Variants in MYO16 observed in about 807,000 individuals in gnomAD.
MYO16 encodes unconventional myosin-XVI.
A neutral mutation model predicts 205.3 loss-of-function variants in MYO16; 94 were observed. The observed-to-expected ratio is 0.46, with a 90% confidence interval of 0.39 to 0.54. The LOEUF is 0.54. MYO16 is among the 20% of genes least tolerant of loss of function. The pLI is 0.00. For synonymous variants in MYO16, 988 were observed against 954.0 expected, an observed-to-expected ratio of 1.04 and a Z score of -0.66; for missense variants, 2,315 against 2,387.5, an observed-to-expected ratio of 0.97 and a Z score of 0.63.
the MYO16 span, among the ~76,000 whole-genome samples, chr13:108,556,636 A>C: frequency 7.9e-5 from 12 of 151,906 alleles, no homozygotes; most frequent in Non-Finnish European, 1.5e-5. Context: ...TTTTAATTTG[A>C]CACAATCCCA....
chr13:108,586,607 A>T, the MYO16 span, among the ~76,000 whole-genome samples: 2 of 152,232 alleles, frequency 1.3e-5, no homozygotes, highest in African/African-American at 4.8e-5. Context: ...GTATTTGTCC[A>T]TTCAAGGTAA....
chr13:109,129,579 C>T (rs948587924), intron 31 of MYO16, among the ~76,000 whole-genome samples: 2 of 152,004 alleles, frequency 1.3e-5, no homozygotes, highest in Non-Finnish European at 2.9e-5. Flanking sequence ...GTTAGATTTG[C>T]GGCCCATATC....
chr13:108,677,197 G>T (rs1049127118), intron 2 of MYO16, among the ~76,000 whole-genome samples: 10 of 151,846 alleles, frequency 6.6e-5, no homozygotes, highest in South Asian at 2.1e-4. Context: ...CAGTGAGAAA[G>T]AATTTTTCTT....
intron 7 of MYO16, among the ~76,000 whole-genome samples, chr13:108,809,312 G>A (rs913747957): frequency 1.3e-5 from 2 of 152,040 alleles, no homozygotes; most frequent in African/African-American, 2.4e-5. Flanking sequence ...ATTTTCTCAC[G>A]CATTTGATTC....
At chr13:108,553,324 G>C in the MYO16 span, among the ~76,000 whole-genome samples, 1 of 152,052 alleles carries the variant, frequency 6.6e-6, no homozygotes, top group African/African-American at 2.4e-5. Context: ...AAGCTTCAAC[G>C]TGAGTTTTAC....
At chr13:108,929,524 T>A (rs1882156324) in intron 16 of MYO16, among the ~76,000 whole-genome samples, 1 of 152,216 alleles carries the variant, frequency 6.6e-6, no homozygotes, top group Admixed American at 6.5e-5. Context: ...TTTGGTAAAG[T>A]TGGAAATGTG....
At chr13:109,192,071 T>G (rs908266367) in intron 34 of MYO16, among the ~76,000 whole-genome samples, 4 of 152,190 alleles carry the variant, frequency 2.6e-5, no homozygotes, top group African/African-American at 7.2e-5. Context: ...CTAACACTGA[T>G]GAAGGTATGT....
rs772895114 is a variant in MYO16, at chr13:109,179,538, A to G, written c.5324-4A>G. On this transcript the variant is annotated splice_polypyrimidine_tract_variant and splice_region_variant and intron_variant, in intron 33 of 34. Transcript: ENST00000457511. ...TAACTCCCGATTTGTGTTGACCTCA[A>G]TAGGTTTACCTGAAGAAGATGGATA... 7 of 1,611,368 alleles carry G rather than the reference A, an allele frequency of 4.3e-6. No homozygotes were observed. The highest frequency in any genetic ancestry group is 3.3e-5 in the Admixed American group (2 of 60,010).
chr13:108,556,022 T>C, the MYO16 span, among the ~76,000 whole-genome samples: 1 of 152,316 alleles, frequency 6.6e-6, no homozygotes, highest in Non-Finnish European at 1.5e-5. Context: ...TTGATCTATA[T>C]TCTGGCTATT....
chr13:108,848,699 C>T (rs1877651077), intron 10 of MYO16, among the ~76,000 whole-genome samples: 1 of 152,000 alleles, frequency 6.6e-6, no homozygotes, highest in Admixed American at 6.6e-5. Flanking sequence ...CCGGTGGTCC[C>T]ACCAACTCAA....
chr13:108,739,168 T>A (rs534968450), intron 4 of MYO16, among the ~76,000 whole-genome samples: 122 of 152,294 alleles, frequency 8.0e-4, no homozygotes, highest in African/African-American at 2.8e-3. Context: ...GTGAATTTGA[T>A]CCTGTCATTA....
chr13:109,006,300 C>T (rs1183049348), intron 21 of MYO16, among the ~76,000 whole-genome samples: 3 of 152,134 alleles, frequency 2.0e-5, no homozygotes, highest in Non-Finnish European at 4.4e-5. Flanking sequence ...AATGCAGTGG[C>T]GTGATCTCAG....
chr13:109,051,840 A>G (rs1887256919), intron 24 of MYO16, among the ~76,000 whole-genome samples: 1 of 152,176 alleles, frequency 6.6e-6, no homozygotes, highest in Non-Finnish European at 1.5e-5. Context: ...TGCACCAAGT[A>G]AGGCAGGTCC....
intron 4 of MYO16, among the ~76,000 whole-genome samples, chr13:108,743,998 A>G (rs1431251423): frequency 6.6e-6 from 1 of 152,218 alleles, no homozygotes; most frequent in Non-Finnish European, 1.5e-5. Flanking sequence ...ATGTCAGGTG[A>G]TACCCTTTCG....
intron 32 of MYO16, among the ~76,000 whole-genome samples, chr13:109,163,179 G>A (rs1335049248): frequency 1.3e-5 from 2 of 152,066 alleles, no homozygotes; most frequent in Admixed American, 1.3e-4. Flanking sequence ...AGAACAGGCT[G>A]TGCTCTGTGC....
chr13:108,517,852 G>T, the MYO16 span, among the ~76,000 whole-genome samples: 4 of 152,294 alleles, frequency 2.6e-5, no homozygotes, highest in Middle Eastern at 3.4e-3. Flanking sequence ...CAGCAGATTT[G>T]GTGTCTGGTG....
intron 9 of MYO16, among the ~76,000 whole-genome samples, chr13:108,825,838 GA>G (rs71125342): frequency 0.85 from 128,262 of 150,994 alleles, 58,317 homozygotes; most frequent in Non-Finnish European, 1. Flanking sequence ...CAGTAGGTTA[GA>G]AAAAAAAGGA....
In MYO16 at chr13:108,929,640, G is replaced by C. The variant is rs112768804; in HGVS notation, c.1925+19490G>C. Among the ~76,000 whole-genome samples, 166 of 152,288 alleles carry C rather than the reference G, an allele frequency of 1.1e-3. 1 individual carries two copies. Among genetic ancestry groups the C allele is most frequent in the African/African-American group, 3.9e-3 (161 of 41,546 alleles). ...GTCACAACTCAGGAGAGGGGATTCT[G>C]GAACCTAGTGGGTGGAGTCAAATTC... On this transcript the variant is annotated intron_variant, in intron 16 of 34. Transcript: ENST00000457511.
intron 1 of MYO16, among the ~76,000 whole-genome samples, chr13:108,613,435 T>C (rs1879245863): frequency 6.6e-6 from 1 of 152,110 alleles, no homozygotes; most frequent in Non-Finnish European, 1.5e-5. Flanking sequence ...TCATGGAAGT[T>C]ATCCTTTTAT....
Sources: gnomAD v4.1 joint callset for allele counts (sites outside exome capture counted in the v4.1 genomes callset) on GRCh38, gnomAD v4.1.1 for gene constraint, MANE v1.5 for transcripts, NCBI Gene and HGNC (gene_info 2026-07-23, HGNC 2026-07-21) for gene names.